The following ARID5B variants were observed in gnomAD, a reference collection of about 807,000 sequenced individuals.
ARID5B encodes AT-rich interactive domain-containing protein 5B.
Under a neutral mutation model 97.2 loss-of-function variants are expected in ARID5B, and 13 were observed. That is an observed-to-expected ratio of 0.13 (90% CI 0.09 to 0.21). The LOEUF is 0.21. Ranked by LOEUF, ARID5B falls within the 10% of genes least tolerant of loss-of-function variation. The pLI is 1.00. For synonymous variants in ARID5B, 556 were observed against 570.3 expected, an observed-to-expected ratio of 0.97 and a Z score of 0.36; for missense variants, 1,210 against 1,465.3, an observed-to-expected ratio of 0.83 and a Z score of 2.84.
At chr10:62,087,388 T>C (rs1284313232) in intron 9 of ARID5B, among the ~76,000 whole-genome samples, 1 of 151,246 alleles carries the variant, frequency 6.6e-6, no homozygotes, top group South Asian at 2.1e-4. Flanking sequence ...ACCATTATTA[T>C]TTTTCATATT....
rs369242778 is a variant in ARID5B, at chr10:61,913,662, C to G, written c.276+11249C>G. Among the ~76,000 whole-genome samples, 4 of 152,192 alleles carry G rather than the reference C, an allele frequency of 2.6e-5. No individual in the cohort carries two copies. In the South Asian group the frequency reaches 6.2e-4, roughly 24 times the overall value. The stretch of plus-strand genomic sequence containing the variant: ...GGTCATTCCAGTGCCCTGTCTTATA[C>G]CAGTGCATGGTGCCATGGGGGACAT... On this transcript the variant is annotated intron_variant, in intron 2 of 9. Transcript: ENST00000279873.
chr10:62,051,568 A>T (rs1272656293), intron 5 of ARID5B, among the ~76,000 whole-genome samples: 1 of 152,232 alleles, frequency 6.6e-6, no homozygotes, highest in African/African-American at 2.4e-5. Context: ...ATCTCTGTTA[A>T]CATAGAATGA....
chr10:62,058,336 A>G (rs761318378), intron 6 of ARID5B, among the ~76,000 whole-genome samples: 1 of 152,212 alleles, frequency 6.6e-6, no homozygotes, highest in Non-Finnish European at 1.5e-5. Flanking sequence ...GCAAGGTTCA[A>G]TGAGGCTTTG....
chr10:62,071,429 C>A (rs1303069421), intron 8 of ARID5B, among the ~76,000 whole-genome samples: 2 of 152,020 alleles, frequency 1.3e-5, no homozygotes, highest in African/African-American at 4.8e-5. Flanking sequence ...CCCTCAACAC[C>A]TGAACCATCA....
intron 8 of ARID5B, among the ~76,000 whole-genome samples, chr10:62,080,226 T>C (rs1840194332): frequency 6.6e-6 from 1 of 152,148 alleles, no homozygotes; most frequent in African/African-American, 2.4e-5. Context: ...GTCTTGGTTA[T>C]GGGGAGAGCT....
At chr10:62,014,525 T>C (rs1316317921) in intron 4 of ARID5B, among the ~76,000 whole-genome samples, 1 of 152,140 alleles carries the variant, frequency 6.6e-6, no homozygotes, top group Non-Finnish European at 1.5e-5. Flanking sequence ...TTTGGAGGTA[T>C]ATACTCTGTA....
At chr10:61,958,246 T>TTTTC (rs1285301115) in intron 3 of ARID5B, among the ~76,000 whole-genome samples, 1 of 152,068 alleles carries the variant, frequency 6.6e-6, no homozygotes, top group Non-Finnish European at 1.5e-5. Context: ...TGTGACCTCT[T>TTTTC]TTTCTTTCTT....
At chr10:61,989,347 A>G (rs149357988) in intron 3 of ARID5B, among the ~76,000 whole-genome samples, 160 of 152,334 alleles carry the variant, frequency 1.1e-3, no homozygotes, top group African/African-American at 3.7e-3. Context: ...TGTGTTAATT[A>G]CAAGTTGGCT....
At chr10:62,075,431 A>C (rs1840116722) in intron 8 of ARID5B, among the ~76,000 whole-genome samples, 1 of 152,208 alleles carries the variant, frequency 6.6e-6, no homozygotes, top group African/African-American at 2.4e-5. Context: ...CCTCTGATAC[A>C]GCGCCCTGCA....
At chr10:62,068,169 C>G (rs1840017816) in intron 7 of ARID5B, among the ~76,000 whole-genome samples, 1 of 152,142 alleles carries the variant, frequency 6.6e-6, no homozygotes, top group South Asian at 2.1e-4. Flanking sequence ...AAATAATTAT[C>G]AAAATACATA....
rs549133011 is a variant in ARID5B at position 62,079,468 on chromosome 10, G to T, written c.1200-6234G>T. Among the ~76,000 whole-genome samples the T allele has an allele frequency of 6.6e-5, 10 of 152,310 alleles. No homozygotes were observed. In the East Asian group the frequency reaches 1.5e-3, roughly 23 times the overall value. On this transcript the variant is annotated intron_variant, in intron 8 of 9. Coordinates refer to ENST00000279873, the MANE Select transcript of ARID5B (RefSeq NM_032199.3). ...AAGAATGTAATGCGTGGTGGTGGCT[G>T]TTAATATTGTAATGCCTAATCAATA...
At chr10:62,056,940 T>C (rs1408457807) in intron 5 of ARID5B, among the ~76,000 whole-genome samples, 177 bp from the exon 6 acceptor site, 4 of 152,202 alleles carry the variant, frequency 2.6e-5, no homozygotes, top group Admixed American at 1.3e-4. Flanking sequence ...TGACATCCCC[T>C]GGCCTCAGAC....
At chr10:61,914,210 T>G (rs1843858589) in intron 2 of ARID5B, among the ~76,000 whole-genome samples, 1 of 152,266 alleles carries the variant, frequency 6.6e-6, no homozygotes, top group Non-Finnish European at 1.5e-5. Context: ...AAGAAAAGCT[T>G]CGCCAAAAGT....
chr10:61,917,141 C>G (rs1273472382), intron 2 of ARID5B, among the ~76,000 whole-genome samples: 1 of 140,438 alleles, frequency 7.1e-6, no homozygotes. Flanking sequence ...GCATGGGCAA[C>G]AGAGTAAGAT....
In ARID5B at chr10:62,048,521, C is replaced by T. The variant is rs190668388; in HGVS notation, c.734-2367C>T. 1.1e-4 allele frequency among the ~76,000 whole-genome samples: 17 copies of T among 152,298 alleles called. No individual in the cohort carries two copies. In the East Asian group the frequency reaches 2.5e-3, roughly 22 times the overall value. On this transcript the variant is annotated intron_variant, in intron 4 of 9. Coordinates refer to ENST00000279873, the MANE Select transcript of ARID5B (RefSeq NM_032199.3). ...TACTTGCCTTACTAAGAACAAAGGG[C>T]TTTTTCTCTTGATCAAATCCCATTT...
At chr10:62,053,393 G>A (rs1839816302) in intron 5 of ARID5B, among the ~76,000 whole-genome samples, 5 of 152,140 alleles carry the variant, frequency 3.3e-5, no homozygotes, top group South Asian at 4.1e-4. Flanking sequence ...CCATCAAAAC[G>A]TTGCACTCCC....
chr10:62,062,991 G>A (rs1839941732), intron 7 of ARID5B, among the ~76,000 whole-genome samples: 1 of 152,120 alleles, frequency 6.6e-6, no homozygotes, highest in Admixed American at 6.5e-5. Flanking sequence ...ATTATTCTTT[G>A]TGGCTTTCCA....
chr10:61,942,891 T>A (rs186959149), intron 3 of ARID5B, among the ~76,000 whole-genome samples: 2 of 152,316 alleles, frequency 1.3e-5, no homozygotes, highest in East Asian at 3.9e-4. Flanking sequence ...TTATGATTAG[T>A]GCTGAAGAAG....
intron 5 of ARID5B, among the ~76,000 whole-genome samples, chr10:62,053,363 G>T (rs1014896322): frequency 6.6e-6 from 1 of 152,202 alleles, no homozygotes; most frequent in Admixed American, 6.5e-5. Context: ...GGAAAAATAA[G>T]TCAAGTGATT....
Sources: allele counts gnomAD v4.1 joint callset (sites outside exome capture counted in the v4.1 genomes callset), GRCh38; gene constraint gnomAD v4.1.1; transcripts MANE v1.5; gene names NCBI Gene and HGNC (gene_info 2026-07-23, HGNC 2026-07-21).